The following ATP10A variants were observed in gnomAD, a reference collection of about 807,000 sequenced individuals.
The protein encoded by ATP10A is ATPase phospholipid transporting 10A (putative), also known as phospholipid-transporting ATPase VA.
In ATP10A, 111 loss-of-function variants were observed where a neutral mutation model predicts 147.8. That is an observed-to-expected ratio of 0.75 (90% CI 0.64 to 0.88). The LOEUF (loss-of-function observed/expected upper bound fraction) is 0.88, where lower values mean the gene tolerates loss of function less well. ATP10A is among the 40% of genes least tolerant of loss of function. ATP10A has a pLI of 0.00. For missense variants in ATP10A, 1,927 were observed against 1,959.0 expected, an observed-to-expected ratio of 0.98 and a Z score of 0.31; for synonymous variants, 875 against 841.6, an observed-to-expected ratio of 1.04 and a Z score of -0.69.
intron 2 of ATP10A, among the ~76,000 whole-genome samples, chr15:25,779,845 AACACACAC>A (rs56111172): frequency 0.29 from 42,746 of 147,324 alleles, 6,865 homozygotes; most frequent in South Asian, 0.46. Context: ...AGAAGGTTAA[AACACACAC>A]ACACACACAC....
chr15:25,752,930 A>C (rs1402238722), intron 2 of ATP10A, among the ~76,000 whole-genome samples: 2 of 151,982 alleles, frequency 1.3e-5, no homozygotes, highest in East Asian at 3.8e-4. Context: ...TGTTTTCTCT[A>C]ATTGTTTATT....
Position 25,708,270 on chromosome 15 carries a change from A to G in ATP10A, c.2375T>C (p.Ile792Thr). Reference protein sequence around the residue: ...VDARGRHQKKIRSKTQNYLNV... With the variant: ...VDARGRHQKKTRSKTQNYLNV... ...GAGGTAATTCTGAGTTTTGCTCCGA[A>G]TCTTTTTTTGATGCCTCCCTCTGGC... Residue 792 changes from isoleucine (I) to threonine (T), a missense_variant, in exon 11 of 21, where the codon ATT becomes ACT. Transcript: ENST00000555815. The G allele has an allele frequency of 6.2e-7, 1 of 1,614,174 alleles. No individual in the cohort carries two copies. The highest frequency in any genetic ancestry group is 1.1e-5 in the South Asian group (1 of 91,084).
At chr15:25,762,330 G>A (rs1002205718) in intron 2 of ATP10A, among the ~76,000 whole-genome samples, 2 of 152,132 alleles carry the variant, frequency 1.3e-5, no homozygotes, top group African/African-American at 4.8e-5. Context: ...ATACAGGAAC[G>A]CAGTGGCACA....
rs191531784 is a variant in ATP10A at position 25,802,568 on chromosome 15, T to C, written c.450-21345A>G. 8.1e-3 allele frequency among the ~76,000 whole-genome samples: 1,232 copies of C among 152,286 alleles called. 12 individuals carry two copies. The highest frequency in any genetic ancestry group is 0.012 in the Non-Finnish European group (827 of 68,018). The stretch of plus-strand genomic sequence containing the variant: ...ACACAGGGCCCACTCAGCTAAGGTG[T>C]CGGCAGGGCCACGCTCCTTCCTGGA... On this transcript the variant is annotated intron_variant, in intron 1 of 20. Transcript: ENST00000555815.
At chr15:25,717,872 CG>C (rs1181215971) in intron 8 of ATP10A, among the ~76,000 whole-genome samples, 2 of 152,256 alleles carry the variant, frequency 1.3e-5, no homozygotes, top group African/African-American at 2.4e-5. Flanking sequence ...TGCTTTTTAG[CG>C]GTTGTCATCT....
At chr15:25,748,313 G>C (rs915093653) in intron 2 of ATP10A, among the ~76,000 whole-genome samples, 3 of 152,162 alleles carry the variant, frequency 2.0e-5, no homozygotes, top group Non-Finnish European at 4.4e-5. Flanking sequence ...TAATACATTA[G>C]GAAGATGGAT....
At chr15:25,799,871 A>C (rs1426549881) in intron 1 of ATP10A, among the ~76,000 whole-genome samples, 4 of 152,244 alleles carry the variant, frequency 2.6e-5, no homozygotes, top group African/African-American at 9.6e-5. Flanking sequence ...ATTAGGTAAA[A>C]GTTCTGGAAT....
chr15:25,773,224 A>C (rs1297545624), intron 2 of ATP10A, among the ~76,000 whole-genome samples: 1 of 152,238 alleles, frequency 6.6e-6, no homozygotes, highest in Non-Finnish European at 1.5e-5. Flanking sequence ...CTAATACCAC[A>C]GTGAGAACCA....
chr15:25,775,112 G>T (rs960513183), intron 2 of ATP10A, among the ~76,000 whole-genome samples: 1 of 151,990 alleles, frequency 6.6e-6, no homozygotes, highest in African/African-American at 2.4e-5. Context: ...TCAATTCCAC[G>T]GCCAATGTAG....
intron 1 of ATP10A, among the ~76,000 whole-genome samples, chr15:25,838,425 G>A (rs1892677742): frequency 1.3e-5 from 2 of 152,106 alleles, no homozygotes; most frequent in African/African-American, 2.4e-5. Flanking sequence ...GCCCAGCAAG[G>A]TGACAGTGAC....
In ATP10A at chr15:25,679,928, G is replaced by C; in HGVS notation, c.3913C>G (p.Gln1305Glu). ...TTCCTGGTCAACTGACGTGCCAGCT[G>C]AAGTTGTGTGGGGAAAACCCTCCCC... ...LQGRVFPTQL[Q>E]LARQLTRKSP... The change falls in exon 21 of 21, where the codon CAG becomes GAG. Residue 1305 changes from glutamine (Q) to glutamate (E), a missense_variant. By Grantham distance (29) the Gln-to-Glu change is conservative (BLOSUM62 2). Transcript: ENST00000555815. 1 of 1,607,460 alleles carries C rather than the reference G, an allele frequency of 6.2e-7. No individual in the cohort carries two copies. The highest frequency in any genetic ancestry group is 2.2e-5 in the East Asian group (1 of 44,706).
intron 1 of ATP10A, among the ~76,000 whole-genome samples, chr15:25,835,047 G>T (rs1160871318): frequency 6.6e-6 from 1 of 152,172 alleles, no homozygotes; most frequent in Non-Finnish European, 1.5e-5. Flanking sequence ...ATGATCACTT[G>T]AGGGCAGAAG....
chr15:25,701,992 G>A lies in ATP10A; in HGVS notation c.2684C>T (p.Thr895Ile). ...GCAGGCATATGCAATGTTGACAGCTGTTTCTTGTTTGTCACCAGTGAGAAC... is the reference window on the plus strand; with the variant it reads ...GCAGGCATATGCAATGTTGACAGCTATTTCTTGTTTGTCACCAGTGAGAAC... Reference protein sequence around the residue: ...IWVLTGDKQETAVNIAYACKL... With the variant: ...IWVLTGDKQEIAVNIAYACKL... Residue 895 changes from threonine to isoleucine, a missense_variant, in exon 13 of 21, where the codon ACA becomes ATA. Thr to Ile is a moderately conservative substitution (Grantham distance 89). Coordinates refer to ENST00000555815, the MANE Select transcript of ATP10A (RefSeq NM_024490.4). The A allele has an allele frequency of 6.2e-7, 1 of 1,614,190 alleles. No individual in the cohort carries two copies. Among genetic ancestry groups the A allele is most frequent in the African/African-American group, 1.3e-5 (1 of 75,056 alleles).
intron 1 of ATP10A, among the ~76,000 whole-genome samples, chr15:25,786,133 C>T (rs1001202887): frequency 2.6e-5 from 4 of 152,134 alleles, no homozygotes; most frequent in Non-Finnish European, 5.9e-5. Flanking sequence ...CGTGCCCAGG[C>T]GGGGAAGCTG....
chr15:25,723,473 A>G (rs1902371245), intron 6 of ATP10A, among the ~76,000 whole-genome samples: 1 of 152,094 alleles, frequency 6.6e-6, no homozygotes, highest in South Asian at 2.1e-4. Context: ...GATGCATGGA[A>G]ACTCTCTGTA....
chr15:25,725,044 TG>T (rs1464673084), intron 5 of ATP10A, among the ~76,000 whole-genome samples: 3 of 152,190 alleles, frequency 2.0e-5, no homozygotes, highest in Admixed American at 6.5e-5. Context: ...TGTTAGGAAC[TG>T]GGCAGCACAG....
intron 2 of ATP10A, among the ~76,000 whole-genome samples, chr15:25,759,566 G>T (rs192371980): frequency 2.0e-4 from 30 of 152,226 alleles, no homozygotes; most frequent in Non-Finnish European, 4.1e-4. Context: ...AGCACTTCTG[G>T]AGGCCAAGGT....
intron 1 of ATP10A, among the ~76,000 whole-genome samples, chr15:25,845,212 G>C (rs1489179576): frequency 6.6e-6 from 1 of 152,196 alleles, no homozygotes; most frequent in Non-Finnish European, 1.5e-5. Flanking sequence ...ACGCACAAGG[G>C]ACACAGACTG....
chr15:25,721,586 C>G (rs113354909), intron 7 of ATP10A, 71 bp downstream of exon 7: 89 of 1,415,144 alleles, frequency 6.3e-5, no homozygotes, highest in Middle Eastern at 5.0e-4. Context: ...GTGTGTGTGT[C>G]TCCAAACAAT....
Sources: allele counts gnomAD v4.1 joint callset (sites outside exome capture counted in the v4.1 genomes callset), GRCh38; gene constraint gnomAD v4.1.1; transcripts MANE v1.5; gene names NCBI Gene and HGNC (gene_info 2026-07-23, HGNC 2026-07-21).